Variants in ATG10 observed in about 807,000 individuals in gnomAD.
ATG10 encodes the protein ubiquitin-like-conjugating enzyme ATG10.
Under a neutral mutation model 32.1 loss-of-function variants are expected in ATG10, and 30 were observed. That is an observed-to-expected ratio of 0.94 (90% CI 0.70 to 1.27). The LOEUF is 1.27. ATG10 is among the 50% of genes most tolerant of loss of function. The pLI, the probability that ATG10 is intolerant of heterozygous loss-of-function variation, is 0.00. For synonymous variants in ATG10, 87 were observed against 91.5 expected (o/e 0.95, Z 0.28); for missense variants, 233 against 262.3 (o/e 0.89, Z 0.77).
At chr5:82,231,604 G>GTTT (rs1327952824) in intron 5 of ATG10, among the ~76,000 whole-genome samples, 1 of 152,100 alleles carries the variant, frequency 6.6e-6, no homozygotes, top group Non-Finnish European at 1.5e-5. Flanking sequence ...TAGTAGCCAG[G>GTTT]TTTTTATAGG....
chr5:82,044,868 A>T (rs1334251887), intron 2 of ATG10, among the ~76,000 whole-genome samples: 4 of 152,318 alleles, frequency 2.6e-5, no homozygotes, highest in Non-Finnish European at 5.9e-5. Flanking sequence ...GCAGTTTACT[A>T]CTTAGTGAAA....
chr5:82,195,296 A>G (rs892111292), intron 5 of ATG10, among the ~76,000 whole-genome samples: 17 of 152,206 alleles, frequency 1.1e-4, no homozygotes, highest in African/African-American at 3.6e-4. Flanking sequence ...TAATCATACC[A>G]AACTCTTTTT....
chr5:82,158,543 G>C (rs1182261275), intron 3 of ATG10, among the ~76,000 whole-genome samples: 1 of 152,010 alleles, frequency 6.6e-6, no homozygotes, highest in Non-Finnish European at 1.5e-5. Context: ...AAGTAATATA[G>C]AGATGATTTA....
intron 3 of ATG10, among the ~76,000 whole-genome samples, chr5:82,137,423 GATGCT>G (rs1332656981): frequency 2.0e-5 from 3 of 152,124 alleles, no homozygotes; most frequent in Non-Finnish European, 4.4e-5. Flanking sequence ...TGTTGATATT[GATGCT>G]ATGTTCCTTT....
chr5:81,979,371 AC>A (rs1760965121), intron 1 of ATG10, among the ~76,000 whole-genome samples: 1 of 152,152 alleles, frequency 6.6e-6, no homozygotes, highest in Non-Finnish European at 1.5e-5. Context: ...ACTAAAAAAT[AC>A]AAAAAATTAG....
At chr5:82,056,372 T>A (rs1412871066) in intron 2 of ATG10, among the ~76,000 whole-genome samples, 2 of 151,980 alleles carry the variant, frequency 1.3e-5, no homozygotes, top group African/African-American at 4.8e-5. Flanking sequence ...TATCTCATGG[T>A]CTTGCTTTCC....
rs76208183 is a variant in ATG10, at chr5:81,973,487, G to A, written c.-13+1181G>A. Among the ~76,000 whole-genome samples, 612 of 152,258 alleles carry A rather than the reference G, an allele frequency of 4.0e-3. 3 individuals are homozygous for A. Among genetic ancestry groups the A allele is most frequent in the African/African-American group, 0.014 (580 of 41,540 alleles). On this transcript the variant is annotated intron_variant, in intron 1 of 7. Transcript: ENST00000282185. ...TTACCATCCTTTCTTCAGTGTTTAT[G>A]CTCAGTTCCTGAAATGCTTTTGAGC...
intron 2 of ATG10, among the ~76,000 whole-genome samples, chr5:82,040,817 AC>A (rs940777408): frequency 2.0e-5 from 3 of 152,060 alleles, no homozygotes; most frequent in Non-Finnish European, 2.9e-5. Flanking sequence ...AGAAATATAA[AC>A]CCCTTGTCAT....
In ATG10 at chr5:82,099,210, T is replaced by G. The variant is rs577798736; in HGVS notation, c.216+40608T>G. On this transcript the variant is annotated intron_variant, in intron 3 of 7. Transcript: ENST00000282185. The stretch of plus-strand genomic sequence containing the variant: ...AACTTTACCTCTATAAAGGAAAGAA[T>G]GGATGTGGTTTGTCCCTATTTCATG... Among the ~76,000 whole-genome samples, 9 of 152,282 alleles carry G rather than the reference T, an allele frequency of 5.9e-5. No individual in the cohort carries two copies. The East Asian group carries it at 1.7e-3, about 29-fold the overall frequency.
At chr5:82,189,925 G>A (rs957269248) in intron 5 of ATG10, among the ~76,000 whole-genome samples, 10 of 152,070 alleles carry the variant, frequency 6.6e-5, no homozygotes, top group Non-Finnish European at 1.0e-4. Flanking sequence ...GCACCTGGCC[G>A]TTTTTAATTT....
intron 4 of ATG10, among the ~76,000 whole-genome samples, chr5:82,176,879 A>G (rs1744051745): frequency 6.6e-6 from 1 of 152,198 alleles, no homozygotes; most frequent in Non-Finnish European, 1.5e-5. Context: ...GAAGATACTT[A>G]TTGAAAATGT....
At chr5:82,016,580 A>G (rs111907176) in intron 2 of ATG10, among the ~76,000 whole-genome samples, 29,454 of 151,958 alleles carry the variant, frequency 0.19, 3,227 homozygotes, top group Middle Eastern at 0.29. Context: ...TTGGTTCCAT[A>G]TGAATTTTAG....
chr5:82,095,083 A>G (rs1369976421), intron 3 of ATG10, among the ~76,000 whole-genome samples: 1 of 152,190 alleles, frequency 6.6e-6, no homozygotes, highest in Non-Finnish European at 1.5e-5. Context: ...AATTAAATAA[A>G]TAAAGCTTTT....
At chr5:82,145,772 T>C (rs1767328110) in intron 3 of ATG10, among the ~76,000 whole-genome samples, 1 of 151,952 alleles carries the variant, frequency 6.6e-6, no homozygotes, top group Non-Finnish European at 1.5e-5. Flanking sequence ...AGTGGCCTGA[T>C]CTCGGCTCAC....
chr5:82,050,177 T>C (rs1763366193), intron 2 of ATG10, among the ~76,000 whole-genome samples: 1 of 152,144 alleles, frequency 6.6e-6, no homozygotes, highest in African/African-American at 2.4e-5. Context: ...TATACAGAAT[T>C]ACCTTATTAT....
intron 1 of ATG10, among the ~76,000 whole-genome samples, chr5:81,983,235 ACCC>A (rs761540035): frequency 6.6e-5 from 5 of 75,920 alleles, no homozygotes; most frequent in African/African-American, 5.3e-5. Context: ...CTGGGGGCTG[ACCC>A]CCCCCCCCAC....
chr5:82,084,901 T>G (rs1403346322), intron 3 of ATG10, among the ~76,000 whole-genome samples: 1 of 152,132 alleles, frequency 6.6e-6, no homozygotes, highest in Non-Finnish European at 1.5e-5. Flanking sequence ...AGACCATCAA[T>G]GCTAGGAAGA....
chr5:82,177,161 G>C (rs1744063095), intron 4 of ATG10, among the ~76,000 whole-genome samples: 1 of 152,092 alleles, frequency 6.6e-6, no homozygotes, highest in South Asian at 2.1e-4. Flanking sequence ...ACAGTCCTGG[G>C]TGCATTCACT....
At chr5:82,011,551 A>G (rs2149694959) in intron 2 of ATG10, among the ~76,000 whole-genome samples, 1 of 152,348 alleles carries the variant, frequency 6.6e-6, no homozygotes, top group East Asian at 1.9e-4. Context: ...CTAAGCACGC[A>G]AAACTCTTGC....
Sources: allele counts gnomAD v4.1 joint callset (sites outside exome capture counted in the v4.1 genomes callset), GRCh38; gene constraint gnomAD v4.1.1; transcripts MANE v1.5; gene names NCBI Gene and HGNC (gene_info 2026-07-23, HGNC 2026-07-21).